Variants in PARVA observed in about 807,000 individuals in gnomAD.
PARVA encodes the protein parvin alpha, also known as alpha-parvin.
In PARVA, 25 loss-of-function variants were observed where a neutral mutation model predicts 52.6. The observed-to-expected ratio is 0.48, with a 90% CI of 0.35 to 0.66. The LOEUF (loss-of-function observed/expected upper bound fraction) is 0.66, where lower values mean the gene tolerates loss of function less well. PARVA is among the 30% of genes least tolerant of loss of function. The pLI, the probability that PARVA is intolerant of heterozygous loss-of-function variation, is 0.01. For missense variants in PARVA, 373 were observed against 450.9 expected (o/e 0.83, Z 1.56); for synonymous variants, 185 against 179.1 (o/e 1.03, Z -0.26).
chr11:12,466,504 C>G (rs1940856200), intron 1 of PARVA, among the ~76,000 whole-genome samples: 1 of 151,900 alleles, frequency 6.6e-6, no homozygotes, highest in South Asian at 2.1e-4. Context: ...CGGGGTTTCA[C>G]TATGTTGGCC....
At chr11:12,410,810 G>A (rs1939982547) in intron 1 of PARVA, among the ~76,000 whole-genome samples, 1 of 152,200 alleles carries the variant, frequency 6.6e-6, no homozygotes, top group Non-Finnish European at 1.5e-5. Flanking sequence ...AAAGTTATGT[G>A]GACCCTTCTT....
intron 1 of PARVA, among the ~76,000 whole-genome samples, chr11:12,435,981 C>G (rs887277090): frequency 6.6e-6 from 1 of 152,058 alleles, no homozygotes; most frequent in Non-Finnish European, 1.5e-5. Context: ...TACCACCACA[C>G]ACAGCTAATT....
At chr11:12,497,429 C>T (rs1941311583) in intron 5 of PARVA, among the ~76,000 whole-genome samples, 1 of 151,480 alleles carries the variant, frequency 6.6e-6, no homozygotes, top group South Asian at 2.1e-4. Context: ...ATCAACAGCC[C>T]CCTACAAAAA....
At chr11:12,504,629 C>T (rs1456911519) in intron 6 of PARVA, among the ~76,000 whole-genome samples, 200 bp downstream of exon 6, 1 of 152,002 alleles carries the variant, frequency 6.6e-6, no homozygotes, top group Non-Finnish European at 1.5e-5. Context: ...GATGGAAGAG[C>T]GTGTGCTTGT....
intron 5 of PARVA, among the ~76,000 whole-genome samples, chr11:12,499,478 T>A (rs1941340064): frequency 6.6e-6 from 1 of 152,142 alleles, no homozygotes; most frequent in South Asian, 2.1e-4. Flanking sequence ...TTTTCATTAT[T>A]GAAAATTTAC....
rs1377865191 is a variant in PARVA at position 12,473,741 on chromosome 11, C to T, written c.137-4C>T. The T allele has an allele frequency of 6.4e-7, 1 of 1,556,712 alleles. No homozygotes were observed. Among genetic ancestry groups the T allele is most frequent in the Non-Finnish European group, 8.7e-7 (1 of 1,149,152 alleles). ...ATGTGACCCTGCTCTTCCTTTTCTTCCAGTGTCCGAGCTGCAGGAGGAGGG... is the reference window on the plus strand; with the variant it reads ...ATGTGACCCTGCTCTTCCTTTTCTTTCAGTGTCCGAGCTGCAGGAGGAGGG... On this transcript the variant is annotated splice_polypyrimidine_tract_variant and splice_region_variant and intron_variant, in intron 1 of 12. Transcript: ENST00000334956.
At chr11:12,442,515 C>T (rs369044467) in intron 1 of PARVA, among the ~76,000 whole-genome samples, 48 of 152,228 alleles carry the variant, frequency 3.2e-4, no homozygotes, top group African/African-American at 1.0e-3. Context: ...ATAGCTGTGA[C>T]ACTAGGAGCT....
chr11:12,394,330 C>T (rs1354964508), intron 1 of PARVA, among the ~76,000 whole-genome samples: 3 of 152,112 alleles, frequency 2.0e-5, no homozygotes, highest in Non-Finnish European at 4.4e-5. Flanking sequence ...TGTTTTGAAT[C>T]CTGCTTCAAA....
intron 1 of PARVA, among the ~76,000 whole-genome samples, chr11:12,428,159 G>A (rs1172163592): frequency 6.6e-6 from 1 of 152,190 alleles, no homozygotes; most frequent in Non-Finnish European, 1.5e-5. Flanking sequence ...ACAGAACAGT[G>A]GCAAATGATG....
chr11:12,402,105 T>C (rs2134965527), intron 1 of PARVA, among the ~76,000 whole-genome samples: 1 of 152,224 alleles, frequency 6.6e-6, no homozygotes, highest in South Asian at 2.1e-4. Context: ...AAGAGAGTAG[T>C]GGAGGGACCA....
Position 12,435,784 on chromosome 11 carries a change from G to GTTTT in PARVA, c.137-37957_137-37954dup, listed in dbSNP as rs146675862. Among the ~76,000 whole-genome samples, 103 of 152,048 alleles carry GTTTT rather than the reference G, an allele frequency of 6.8e-4. 1 individual carries two copies. The highest frequency in any genetic ancestry group is 2.4e-3 in the African/African-American group (99 of 41,470). On this transcript the variant is annotated intron_variant, in intron 1 of 12. Transcript: ENST00000334956. The stretch of plus-strand genomic sequence containing the variant: ...AGTGACTTCTCCTGGCTATATCTCT[G>GTTTT]TTTTTTTGTTGTTGTTGTTGTTTTG...
intron 1 of PARVA, among the ~76,000 whole-genome samples, chr11:12,397,739 G>C (rs919420705): frequency 5.9e-5 from 9 of 151,880 alleles, no homozygotes; most frequent in African/African-American, 2.2e-4. Flanking sequence ...AGGATGTTTT[G>C]GATCTCAAGG....
chr11:12,472,678 CAG>C (rs56708026), intron 1 of PARVA, among the ~76,000 whole-genome samples: 8,730 of 152,076 alleles, frequency 0.057, 457 homozygotes, highest in African/African-American at 0.14. Context: ...TTGGTGAGGC[CAG>C]AGTCAATAAA....
At chr11:12,507,098 T>C (rs1941439843) in intron 6 of PARVA, among the ~76,000 whole-genome samples, 1 of 152,076 alleles carries the variant, frequency 6.6e-6, no homozygotes, top group Admixed American at 6.5e-5. Flanking sequence ...TTTTGATTAG[T>C]CCATTCTTAA....
At chr11:12,499,437 C>CTTTT (rs1300364591) in intron 5 of PARVA, among the ~76,000 whole-genome samples, 1 of 142,394 alleles carries the variant, frequency 7.0e-6, no homozygotes, top group African/African-American at 2.6e-5. Context: ...GGATTTCTTC[C>CTTTT]TTTTTTTTTT....
Position 12,396,152 on chromosome 11 carries a change from GTCTAAGA to G in PARVA, c.136+18373_136+18379del, listed in dbSNP as rs561382402. Among the ~76,000 whole-genome samples, 808 of 152,294 alleles carry G rather than the reference GTCTAAGA, an allele frequency of 5.3e-3. 9 individuals carry two copies. The highest frequency in any genetic ancestry group is 0.014 in the Middle Eastern group (4 of 294). On this transcript the variant is annotated intron_variant, in intron 1 of 12. Transcript: ENST00000334956. Reference sequence around the variant, plus strand: ...GAGGCCCAGAGAAGTGAACTGACTTGTCTAAGATCTCTCAGCTATTAATTGGTAGAAC... The same window carrying G: ...GAGGCCCAGAGAAGTGAACTGACTTGTCTCTCAGCTATTAATTGGTAGAAC...
chr11:12,511,261 T>G (rs1941498777), intron 7 of PARVA, among the ~76,000 whole-genome samples: 1 of 152,170 alleles, frequency 6.6e-6, no homozygotes, highest in Admixed American at 6.5e-5. Flanking sequence ...TATGCCAGGC[T>G]TTGCATTACA....
In PARVA at chr11:12,513,378, G is replaced by T; in HGVS notation, c.798+18G>T. 6.2e-7 allele frequency: 1 copy of T among 1,609,592 alleles called. No homozygotes were observed. Among genetic ancestry groups the T allele is most frequent in the Non-Finnish European group, 8.5e-7 (1 of 1,175,808 alleles). On this transcript the variant is annotated intron_variant, in intron 9 of 12. Coordinates refer to ENST00000334956, the MANE Select transcript of PARVA (RefSeq NM_018222.5). ...TGAAAAAGGTGGGAAAGGGGTGCCT[G>T]GGATGGACAGAGGGAAGCGAGATGC... is the stretch of plus-strand genomic sequence containing the variant.
At chr11:12,420,744 CT>C (rs1294251395) in intron 1 of PARVA, among the ~76,000 whole-genome samples, 1 of 152,204 alleles carries the variant, frequency 6.6e-6, no homozygotes, top group Non-Finnish European at 1.5e-5. Context: ...ACTTAATCTT[CT>C]TACCAATCTT....
Sources: allele counts gnomAD v4.1 joint callset (sites outside exome capture counted in the v4.1 genomes callset), GRCh38; gene constraint gnomAD v4.1.1; transcripts MANE v1.5; gene names NCBI Gene and HGNC (gene_info 2026-07-23, HGNC 2026-07-21).